Variants in CDH13 observed in about 807,000 individuals in gnomAD.
CDH13 encodes the protein cadherin-13.
A neutral mutation model predicts 63.8 loss-of-function variants in CDH13; 24 were observed. The observed-to-expected ratio is 0.38, with a 90% confidence interval of 0.27 to 0.53. CDH13 has a LOEUF of 0.53. Among genes scored for constraint, CDH13 ranks in the 20% least tolerant of loss-of-function variants. The probability of loss-of-function intolerance (pLI) is 0.85; values close to 1 mark genes in which losing one functional copy is unlikely to be tolerated. For synonymous variants in CDH13, 503 were observed against 355.3 expected (o/e 1.42, Z -4.67); for missense variants, 1,049 against 903.1 (o/e 1.16, Z -2.07).
intron 6 of CDH13, among the ~76,000 whole-genome samples, chr16:83,381,631 C>G (rs1052954615): frequency 6.6e-6 from 1 of 151,964 alleles, no homozygotes; most frequent in African/African-American, 2.4e-5. Context: ...TCCAACCACT[C>G]TCACCTAAAA....
chr16:82,633,305 C>G (rs1352681647), intron 1 of CDH13, among the ~76,000 whole-genome samples: 1 of 152,250 alleles, frequency 6.6e-6, no homozygotes, highest in African/African-American at 2.4e-5. Flanking sequence ...TTAGACTTGC[C>G]AAGGCCTCCG....
At chr16:83,179,890 G>GT (rs11406184) in intron 4 of CDH13, among the ~76,000 whole-genome samples, 18,263 of 146,054 alleles carry the variant, frequency 0.13, 2,089 homozygotes, top group African/African-American at 0.31. Context: ...AATAGGTTAA[G>GT]TTTTTTTTTT....
intron 11 of CDH13, among the ~76,000 whole-genome samples, chr16:83,752,062 G>T (rs1373208310): frequency 3.3e-5 from 5 of 152,236 alleles, no homozygotes; most frequent in African/African-American, 1.2e-4. Flanking sequence ...AGCCAAGATT[G>T]TTTAAAATTC....
chr16:83,413,718 T>G (rs1006833933), intron 6 of CDH13, among the ~76,000 whole-genome samples: 6 of 152,156 alleles, frequency 3.9e-5, no homozygotes, highest in Non-Finnish European at 8.8e-5. Flanking sequence ...CAGTGCACGG[T>G]GGCTCATGCC....
intron 1 of CDH13, among the ~76,000 whole-genome samples, chr16:82,846,592 C>T (rs188380156): frequency 4.6e-5 from 7 of 152,278 alleles, no homozygotes; most frequent in Admixed American, 6.5e-5. Context: ...GATTTCGACC[C>T]AGTTAGTCTA....
At chr16:83,061,197 C>G (rs1356517474) in intron 3 of CDH13, among the ~76,000 whole-genome samples, 1 of 152,128 alleles carries the variant, frequency 6.6e-6, no homozygotes, top group Admixed American at 6.5e-5. Context: ...GGATCCTGGT[C>G]TAGTGTAATG....
At chr16:82,979,556 C>A (rs570551397) in intron 2 of CDH13, among the ~76,000 whole-genome samples, 1 of 152,234 alleles carries the variant, frequency 6.6e-6, no homozygotes, top group East Asian at 1.9e-4. Context: ...CCCCCTTTTG[C>A]TCAGCACTTC....
chr16:82,803,068 A>C (rs1035232558), intron 1 of CDH13, among the ~76,000 whole-genome samples: 20 of 152,314 alleles, frequency 1.3e-4, no homozygotes, highest in Middle Eastern at 3.4e-3. Context: ...TGGGATTTAG[A>C]CATCAGAGGC....
At chr16:82,741,770 AG>A (rs2033943360) in intron 1 of CDH13, among the ~76,000 whole-genome samples, 1 of 152,216 alleles carries the variant, frequency 6.6e-6, no homozygotes, top group Non-Finnish European at 1.5e-5. Flanking sequence ...TTTTTCAAAT[AG>A]GGAATTATGT....
chr16:83,373,048 C>T (rs1422221707), intron 6 of CDH13, among the ~76,000 whole-genome samples: 1 of 152,116 alleles, frequency 6.6e-6, no homozygotes, highest in African/African-American at 2.4e-5. Flanking sequence ...TAAAATTGAT[C>T]ATCTCTATCA....
chr16:83,391,486 G>A (rs999056798), intron 6 of CDH13, among the ~76,000 whole-genome samples: 2 of 152,156 alleles, frequency 1.3e-5, no homozygotes, highest in African/African-American at 4.8e-5. Flanking sequence ...TTACAGGCAT[G>A]AGCCACCGTG....
intron 6 of CDH13, among the ~76,000 whole-genome samples, chr16:83,427,460 T>C (rs969465921): frequency 1.3e-5 from 2 of 152,106 alleles, no homozygotes; most frequent in Admixed American, 1.3e-4. Context: ...CGAATTCTCT[T>C]CTGGAGCCTC....
intron 1 of CDH13, among the ~76,000 whole-genome samples, chr16:82,785,658 C>A (rs944987293): frequency 6.6e-6 from 1 of 152,118 alleles, no homozygotes; most frequent in African/African-American, 2.4e-5. Context: ...GTAAAACCAC[C>A]CATGGATTCC....
At chr16:82,690,164 C>CAGA (rs1915504083) in intron 1 of CDH13, among the ~76,000 whole-genome samples, 2 of 52,040 alleles carry the variant, frequency 3.8e-5, no homozygotes, top group Non-Finnish European at 7.0e-5. Flanking sequence ...AACTCTGTCT[C>CAGA]AAAAAAAAAA....
At chr16:83,122,793 G>C (rs2035643050) in intron 3 of CDH13, among the ~76,000 whole-genome samples, 1 of 152,054 alleles carries the variant, frequency 6.6e-6, no homozygotes, top group African/African-American at 2.4e-5. Context: ...TATCTAAAAA[G>C]ATATTCAAGG....
At chr16:83,230,917 C>CT (rs2039984361) in intron 5 of CDH13, among the ~76,000 whole-genome samples, 1 of 152,188 alleles carries the variant, frequency 6.6e-6, no homozygotes, top group South Asian at 2.1e-4. Flanking sequence ...ACTGTGAATT[C>CT]TGTATTTGGA....
At chr16:83,721,208 T>C (rs1909651855) in intron 10 of CDH13, 1 of 152,176 alleles carries the variant, frequency 6.6e-6, no homozygotes, top group Admixed American at 6.5e-5. Flanking sequence ...CAGAACAGTT[T>C]AATTGGGGGT....
intron 3 of CDH13, among the ~76,000 whole-genome samples, chr16:83,041,108 T>C (rs930816903): frequency 6.6e-6 from 1 of 152,208 alleles, no homozygotes; most frequent in Non-Finnish European, 1.5e-5. Flanking sequence ...AAGTTCATTA[T>C]GAACAATTTA....
chr16:83,377,339 C>T (rs1320093915), intron 6 of CDH13, among the ~76,000 whole-genome samples: 21 of 152,144 alleles, frequency 1.4e-4, no homozygotes, highest in Admixed American at 1.4e-3. Context: ...ACACCCAGCC[C>T]CCAGTTCCTA....
Sources: allele counts gnomAD v4.1 joint callset (sites outside exome capture counted in the v4.1 genomes callset), GRCh38; gene constraint gnomAD v4.1.1; transcripts MANE v1.5; gene names NCBI Gene and HGNC (gene_info 2026-07-23, HGNC 2026-07-21).